The following ANKRD29 variants were observed in gnomAD, a reference collection of about 807,000 sequenced individuals.
ANKRD29 encodes the protein ankyrin repeat domain 29.
Under a neutral mutation model 38.0 loss-of-function variants are expected in ANKRD29, and 32 were observed. That is an observed-to-expected ratio of 0.84 (90% CI 0.64 to 1.13). The LOEUF (loss-of-function observed/expected upper bound fraction) is 1.13. Ranked by LOEUF, ANKRD29 falls within the 50% of genes most tolerant of loss-of-function variation. The pLI is 0.00. For missense variants in ANKRD29, 357 were observed against 377.9 expected (o/e 0.94, Z 0.46); for synonymous variants, 135 against 152.4 (o/e 0.89, Z 0.84).
At chr18:23,619,728 G>C in intron 6 of ANKRD29, 99 bp from the exon 7 acceptor site, 1 of 983,622 alleles carries the variant, frequency 1.0e-6, no homozygotes, top group Non-Finnish European at 1.4e-6. Flanking sequence ...CGAAAACTCC[G>C]GGAAGGCACT....
chr18:23,616,604 C>CAGTATATATATATATATATACTGTA (rs1406556569), intron 8 of ANKRD29, among the ~76,000 whole-genome samples: 1 of 131,286 alleles, frequency 7.6e-6, no homozygotes, highest in African/African-American at 3.0e-5. Context: ...ACTATATATA[C>CAGTATATATATATATATATACTGTA]TATATATATA....
intron 9 of ANKRD29, among the ~76,000 whole-genome samples, chr18:23,608,759 C>T (rs752276796): frequency 6.6e-6 from 1 of 152,156 alleles, no homozygotes; most frequent in Non-Finnish European, 1.5e-5. Context: ...TGATAACAGC[C>T]CTTTCCCGAA....
At chr18:23,638,767 C>T (rs947532193) in intron 4 of ANKRD29, 82 bp downstream of exon 4, 3 of 1,100,966 alleles carry the variant, frequency 2.7e-6, no homozygotes, top group South Asian at 1.7e-5. Flanking sequence ...AACATAAATT[C>T]GTACCATAGA....
chr18:23,636,131 T>C (rs1271102697), intron 4 of ANKRD29, among the ~76,000 whole-genome samples: 2 of 152,100 alleles, frequency 1.3e-5, no homozygotes, highest in African/African-American at 4.8e-5. Flanking sequence ...GAACTGCTGT[T>C]ATTTTTGTAT....
chr18:23,642,416 A>G (rs1327410448), intron 3 of ANKRD29, among the ~76,000 whole-genome samples: 1 of 152,124 alleles, frequency 6.6e-6, no homozygotes. Flanking sequence ...TGGTCCAGCC[A>G]CAGCCTCACA....
chr18:23,635,823 G>A (rs1416658068), intron 4 of ANKRD29, among the ~76,000 whole-genome samples: 1 of 152,148 alleles, frequency 6.6e-6, no homozygotes, highest in African/African-American at 2.4e-5. Flanking sequence ...CGAATTCGTA[G>A]GCAGGTAACA....
At chr18:23,614,582 G>T (rs962838521) in intron 8 of ANKRD29, among the ~76,000 whole-genome samples, 3 of 151,650 alleles carry the variant, frequency 2.0e-5, no homozygotes, top group Non-Finnish European at 4.4e-5. Flanking sequence ...GCTTTAGGAG[G>T]CTGAGGCAGG....
chr18:23,639,996 T>C (rs1360930016), intron 3 of ANKRD29, among the ~76,000 whole-genome samples: 2 of 152,222 alleles, frequency 1.3e-5, no homozygotes, highest in African/African-American at 2.4e-5. Context: ...TGATGTTGGT[T>C]GTACCACATT....
rs1366158816 is a variant in ANKRD29, at chr18:23,662,816, G to C, written c.-86C>G. 5.8e-6 allele frequency: 7 copies of C among 1,211,354 alleles called. No homozygotes were observed. Among genetic ancestry groups the C allele is most frequent in the Middle Eastern group, 6.3e-4 (2 of 3,186 alleles). The allele number at this position is 1,211,354 out of a possible 1,614,324, so 75.0% of individuals were successfully genotyped here. On this transcript the variant is annotated 5_prime_UTR_variant, in exon 1 of 10. Coordinates refer to ENST00000592179, the MANE Select transcript of ANKRD29 (RefSeq NM_173505.4). ...GGCCCTTCACTCTCCCGGGGCTCTC[G>C]GCGTTCCGCAGAGGGGCGGCCTCCG... is the stretch of plus-strand genomic sequence containing the variant.
At chr18:23,619,124 A>G (rs2059760272) in intron 7 of ANKRD29, among the ~76,000 whole-genome samples, 1 of 152,214 alleles carries the variant, frequency 6.6e-6, no homozygotes, top group South Asian at 2.1e-4. Flanking sequence ...ACGGCGGGCC[A>G]ACAGGGGACG....
At chr18:23,645,467 C>T (rs964006115) in intron 3 of ANKRD29, among the ~76,000 whole-genome samples, 3 of 152,116 alleles carry the variant, frequency 2.0e-5, no homozygotes, top group Admixed American at 6.5e-5. Flanking sequence ...CCCAGCTACT[C>T]GGGAGGCTGA....
intron 1 of ANKRD29, among the ~76,000 whole-genome samples, chr18:23,654,078 C>T (rs914113154): frequency 4.0e-5 from 6 of 151,832 alleles, no homozygotes; most frequent in African/African-American, 1.4e-4. Context: ...CCATCCCAGC[C>T]AACATGGTGA....
intron 6 of ANKRD29, among the ~76,000 whole-genome samples, chr18:23,623,321 T>C (rs1287717973): frequency 6.6e-6 from 1 of 152,182 alleles, no homozygotes; most frequent in East Asian, 1.9e-4. Flanking sequence ...CCAAATCTGA[T>C]TTTGGAGCCC....
At position 23,614,202 on chromosome 18, in the gene ANKRD29, C is replaced by T. The variant is rs186168160; in HGVS notation, c.724-2012G>A. Among the ~76,000 whole-genome samples, 14 of 152,092 alleles carry T rather than the reference C, an allele frequency of 9.2e-5. No individual in the cohort carries two copies. The East Asian group carries it at 2.7e-3, about 29-fold the overall frequency. Reference sequence around the variant, plus strand: ...TCAAACTCCTGAGTAGCTGGGATTACAGGTGTACACCACCACTCTTGGCTT... The same window carrying T: ...TCAAACTCCTGAGTAGCTGGGATTATAGGTGTACACCACCACTCTTGGCTT... On this transcript the variant is annotated intron_variant, in intron 8 of 9. Coordinates refer to ENST00000592179, the MANE Select transcript of ANKRD29 (RefSeq NM_173505.4).
chr18:23,662,895 G>T lies in ANKRD29; in HGVS notation c.-165C>A. On this transcript the variant is annotated 5_prime_UTR_variant, in exon 1 of 10. Coordinates refer to ENST00000592179, the MANE Select transcript of ANKRD29 (RefSeq NM_173505.4). ...GCAGCAGCCGCCGCACACAGGGCCG[G>T]GCCGAAGGGGCGGCGCGGGGGCGCG... 3.1e-5 allele frequency: 14 copies of T among 457,184 alleles called. No homozygotes were observed. The highest frequency in any genetic ancestry group is 3.8e-5 in the Non-Finnish European group (13 of 345,834). 28.3% of individuals were successfully genotyped at this position (457,184 alleles called of 1,614,324 possible). A position where few individuals can be genotyped will look rare whatever the true frequency, so the allele number is the denominator to read the frequency against.
intron 9 of ANKRD29, among the ~76,000 whole-genome samples, chr18:23,610,132 T>C (rs1461479572): frequency 6.6e-6 from 1 of 152,218 alleles, no homozygotes; most frequent in East Asian, 1.9e-4. Flanking sequence ...AAAAGTTGCT[T>C]TTCATATCCT....
At chr18:23,626,170 C>T (rs1410284980) in intron 6 of ANKRD29, among the ~76,000 whole-genome samples, 1 of 152,216 alleles carries the variant, frequency 6.6e-6, no homozygotes, top group Non-Finnish European at 1.5e-5. Context: ...CCCCTCTAAG[C>T]TTCCGACCTG....
In ANKRD29 at chr18:23,599,856, C is replaced by A. The variant is rs1326544736; in HGVS notation, c.*1370G>T. The A allele has an allele frequency of 6.6e-6, 1 of 152,048 alleles. No homozygotes were observed. Among genetic ancestry groups the A allele is most frequent in the African/African-American group, 2.4e-5 (1 of 41,414 alleles). 9.4% of individuals were successfully genotyped at this position (152,048 alleles called of 1,614,324 possible). ...ATCTTCTAATTTTGAAGATTATATT[C>A]TATTATTTACTGAATTAAAGATAAT... On this transcript the variant is annotated 3_prime_UTR_variant, in exon 10 of 10. Coordinates refer to ENST00000592179, the MANE Select transcript of ANKRD29 (RefSeq NM_173505.4).
At chr18:23,658,573 G>C (rs2060313908) in intron 1 of ANKRD29, among the ~76,000 whole-genome samples, 1 of 152,144 alleles carries the variant, frequency 6.6e-6, no homozygotes, top group South Asian at 2.1e-4. Flanking sequence ...TAAAACTTTG[G>C]GGACTGTTGG....
Sources: allele counts gnomAD v4.1 joint callset (sites outside exome capture counted in the v4.1 genomes callset), GRCh38; gene constraint gnomAD v4.1.1; transcripts MANE v1.5; gene names NCBI Gene and HGNC (gene_info 2026-07-23, HGNC 2026-07-21).